The following OTUD7A variants were observed in gnomAD, a reference collection of about 807,000 sequenced individuals.
OTUD7A encodes OTU domain-containing protein 7A.
A neutral mutation model predicts 65.7 loss-of-function variants in OTUD7A; 12 were observed. The observed-to-expected ratio is 0.18, with a 90% CI of 0.12 to 0.30. The LOEUF (loss-of-function observed/expected upper bound fraction) is 0.30, where lower values mean the gene tolerates loss of function less well. Among genes scored for constraint, OTUD7A ranks in the 10% least tolerant of loss-of-function variants. The probability of loss-of-function intolerance (pLI) is 1.00; values close to 1 mark genes in which losing one functional copy is unlikely to be tolerated. For synonymous variants in OTUD7A, 641 were observed against 586.3 expected, an observed-to-expected ratio of 1.09 and a Z score of -1.35; for missense variants, 1,148 against 1,304.8, an observed-to-expected ratio of 0.88 and a Z score of 1.85.
intron 5 of OTUD7A, among the ~76,000 whole-genome samples, chr15:31,537,083 CA>C (rs1566909249): frequency 6.6e-6 from 1 of 152,012 alleles, no homozygotes; most frequent in Admixed American, 6.6e-5. Context: ...TTGTTTCTAT[CA>C]GAATAGAAAT....
At chr15:31,737,817 G>A (rs1894233240) in intron 1 of OTUD7A, among the ~76,000 whole-genome samples, 1 of 152,158 alleles carries the variant, frequency 6.6e-6, no homozygotes, top group South Asian at 2.1e-4. Flanking sequence ...TGCTCATCTG[G>A]AAGGACATCC....
intron 1 of OTUD7A, among the ~76,000 whole-genome samples, chr15:31,657,928 G>C (rs188336756): frequency 6.6e-6 from 1 of 152,166 alleles, no homozygotes; most frequent in Non-Finnish European, 1.5e-5. Context: ...GTTCTCCTCA[G>C]TGCATCCTAG....
intron 5 of OTUD7A, among the ~76,000 whole-genome samples, chr15:31,531,520 C>CAAAAAAAAAAAAAAAAAAA (rs60332452): frequency 2.5e-5 from 2 of 80,152 alleles, no homozygotes; most frequent in Non-Finnish European, 2.5e-5. Context: ...GAGTAGGCCA[C>CAAAAAAAAAAAAAAAAAAA]AAAAAAAAAA....
intron 1 of OTUD7A, among the ~76,000 whole-genome samples, chr15:31,730,851 T>C (rs1255507672): frequency 6.6e-6 from 1 of 152,184 alleles, no homozygotes; most frequent in African/African-American, 2.4e-5. Context: ...AGGTCAGTGA[T>C]GGACATGATG....
intron 1 of OTUD7A, among the ~76,000 whole-genome samples, chr15:31,770,704 C>T (rs1463192934): frequency 2.0e-5 from 3 of 152,132 alleles, no homozygotes; most frequent in Admixed American, 1.3e-4. Flanking sequence ...TAAAAAGATA[C>T]ACCATGACCA....
intron 3 of OTUD7A, among the ~76,000 whole-genome samples, chr15:31,614,082 T>C (rs1227221630): frequency 1.3e-5 from 2 of 152,116 alleles, no homozygotes; most frequent in Admixed American, 6.6e-5. Flanking sequence ...TTCTCACTGA[T>C]ATGTAGGAGC....
chr15:31,619,255 C>G (rs1432750853), intron 3 of OTUD7A, among the ~76,000 whole-genome samples: 1 of 152,084 alleles, frequency 6.6e-6, no homozygotes, highest in Non-Finnish European at 1.5e-5. Flanking sequence ...CTTGGCAATG[C>G]GGGCTCTTTT....
chr15:31,763,693 C>G (rs1895031105), intron 1 of OTUD7A, among the ~76,000 whole-genome samples: 1 of 152,090 alleles, frequency 6.6e-6, no homozygotes, highest in African/African-American at 2.4e-5. Context: ...ACTCAGGGAA[C>G]CCCAAGCAAA....
rs1896322324 is a variant in OTUD7A at position 31,808,129 on chromosome 15, ACAC to A, written c.-100+62375_-100+62377del. On this transcript the variant is annotated intron_variant, in intron 1 of 12. Transcript: ENST00000307050. The stretch of plus-strand genomic sequence containing the variant: ...CACACACACACACACACACACACAC[ACAC>A]ACACAAACAAATCCTCACCAGGTTT... 4.4e-5 allele frequency among the ~76,000 whole-genome samples: 5 copies of A among 114,924 alleles called. No homozygotes were observed. In the Admixed American group the frequency reaches 4.9e-4, roughly 11 times the overall value. The allele number at this position is 114,924 out of a possible 152,430, so 75.4% of individuals were successfully genotyped here.
At chr15:31,801,044 C>T (rs1281106984) in intron 1 of OTUD7A, among the ~76,000 whole-genome samples, 38 of 144,260 alleles carry the variant, frequency 2.6e-4, no homozygotes, top group Non-Finnish European at 1.0e-4. Context: ...GAGCATTATC[C>T]AGCAGCCTCA....
chr15:31,747,446 G>A (rs35322551), intron 1 of OTUD7A, among the ~76,000 whole-genome samples: 4,627 of 152,310 alleles, frequency 0.03, 112 homozygotes, highest in Middle Eastern at 0.078. Context: ...AGGAGGTGTT[G>A]AGAGAACAGT....
chr15:31,863,992 T>G (rs1803343026), intron 1 of OTUD7A, among the ~76,000 whole-genome samples: 1 of 152,224 alleles, frequency 6.6e-6, no homozygotes, highest in Non-Finnish European at 1.5e-5. Flanking sequence ...TCATCTCTCT[T>G]AAGTTCAAAG....
intron 3 of OTUD7A, among the ~76,000 whole-genome samples, chr15:31,619,845 A>G (rs1371019066): frequency 6.6e-6 from 1 of 152,178 alleles, no homozygotes; most frequent in Non-Finnish European, 1.5e-5. Context: ...TGTCTGTGCC[A>G]GTTTTCAAAG....
At chr15:31,693,459 C>T (rs1252531910) in intron 1 of OTUD7A, among the ~76,000 whole-genome samples, 1 of 151,902 alleles carries the variant, frequency 6.6e-6, no homozygotes, top group Non-Finnish European at 1.5e-5. Context: ...TGAATGCTTC[C>T]TGCACATTTT....
intron 8 of OTUD7A, among the ~76,000 whole-genome samples, chr15:31,517,977 A>G (rs2041882954): frequency 6.6e-6 from 1 of 152,088 alleles, no homozygotes; most frequent in South Asian, 2.1e-4. Flanking sequence ...GCCTGGATGA[A>G]GCCTCCCAGG....
At chr15:31,592,897 AAAAAAAAATATATATATATATAT>A (rs1889776490) in intron 3 of OTUD7A, among the ~76,000 whole-genome samples, 3 of 56,888 alleles carry the variant, frequency 5.3e-5, no homozygotes, top group African/African-American at 1.1e-4. Context: ...AAAAAAAAAA[AAAAAAAAATATATATATATATAT>A]ATATATATAT....
At chr15:31,568,630 G>A (rs1888951508) in intron 4 of OTUD7A, among the ~76,000 whole-genome samples, 1 of 152,186 alleles carries the variant, frequency 6.6e-6, no homozygotes, top group South Asian at 2.1e-4. Flanking sequence ...TTGGATATTT[G>A]TCACCACCCA....
At position 31,484,139 on chromosome 15, in the gene OTUD7A, G is replaced by C; in HGVS notation, c.1957C>G (p.Arg653Gly). The C allele has an allele frequency of 6.2e-7, 1 of 1,609,570 alleles. No individual in the cohort carries two copies. Among genetic ancestry groups the C allele is most frequent in the Non-Finnish European group, 8.5e-7 (1 of 1,179,524 alleles). The stretch of plus-strand genomic sequence containing the variant: ...ATCATCTCCTCGTGGAACTGGTGCC[G>C]GTGGCTGGTGAGCAGCAGGCCGGCG... ...IFAGLLLTSH[R>G]HQFHEEMIGY... Residue 653 changes from arginine to glycine, a missense_variant, in exon 13 of 13, where the codon CGG (arginine) becomes GGG (glycine). Around this residue, in one of 6 missense-constraint regions of OTUD7A, gnomAD observed 842 missense variants for 769.5 expected, o/e 1.09. Coordinates refer to ENST00000307050, the MANE Select transcript of OTUD7A (RefSeq NM_001382637.1). This position sits in a 1 kb window ranked among gnomAD's most constrained non-coding sequence, Gnocchi z 4.5.
chr15:31,661,892 T>C (rs1365918804), intron 1 of OTUD7A, among the ~76,000 whole-genome samples: 1 of 152,232 alleles, frequency 6.6e-6, no homozygotes, highest in East Asian at 1.9e-4. Context: ...CCTCCGTCTT[T>C]TTCCCTCTGT....
Sources: allele counts gnomAD v4.1 joint callset (sites outside exome capture counted in the v4.1 genomes callset), GRCh38; gene constraint gnomAD v4.1.1; regional missense constraint gnomAD v4.1.1; non-coding constraint Gnocchi (gnomAD v3.1); transcripts MANE v1.5; gene names NCBI Gene and HGNC (gene_info 2026-07-23, HGNC 2026-07-21).